Variants in AKT3 observed in about 807,000 individuals in gnomAD.
AKT3 encodes the protein AKT serine/threonine kinase 3.
In AKT3, 15 loss-of-function variants were observed where a neutral mutation model predicts 65.3. That is an observed-to-expected ratio of 0.23 (90% CI 0.15 to 0.35). The LOEUF is 0.35. Ranked by LOEUF, AKT3 falls within the 10% of genes least tolerant of loss-of-function variation. The probability of loss-of-function intolerance (pLI) is 1.00; values close to 1 mark genes in which losing one functional copy is unlikely to be tolerated. For synonymous variants in AKT3, 206 were observed against 183.8 expected, an observed-to-expected ratio of 1.12 and a Z score of -0.98; for missense variants, 243 against 576.5, an observed-to-expected ratio of 0.42 and a Z score of 5.92.
intron 2 of AKT3, among the ~76,000 whole-genome samples, chr1:243,795,461 T>TG: frequency 8.1e-6 from 1 of 123,042 alleles, no homozygotes; most frequent in Non-Finnish European, 1.7e-5. Flanking sequence ...TTTTTTTTTT[T>TG]GTTTTTTTTT....
chr1:243,775,064 T>C (rs1420764486), intron 2 of AKT3, among the ~76,000 whole-genome samples: 1 of 152,090 alleles, frequency 6.6e-6, no homozygotes, highest in Non-Finnish European at 1.5e-5. Context: ...GGTTTCGTCA[T>C]GTTCCCCAGT....
At chr1:243,768,359 A>T (rs975420293) in intron 2 of AKT3, among the ~76,000 whole-genome samples, 1 of 152,118 alleles carries the variant, frequency 6.6e-6, no homozygotes, top group African/African-American at 2.4e-5. Flanking sequence ...TTCCATTGCT[A>T]ACAGTTTTTT....
At chr1:243,835,197 C>A (rs1694816421) in intron 2 of AKT3, among the ~76,000 whole-genome samples, 1 of 152,154 alleles carries the variant, frequency 6.6e-6, no homozygotes, top group Admixed American at 6.5e-5. Context: ...CTGGCCTCTA[C>A]CCACTAGATG....
At chr1:243,586,302 T>C (rs1412807051) in intron 8 of AKT3, among the ~76,000 whole-genome samples, 2 of 152,104 alleles carry the variant, frequency 1.3e-5, no homozygotes, top group Non-Finnish European at 1.5e-5. Context: ...GGTGGGAATG[T>C]ACATTAATTC....
intron 1 of AKT3, among the ~76,000 whole-genome samples, chr1:243,848,944 C>A (rs920770378): frequency 2.0e-5 from 3 of 152,228 alleles, no homozygotes; most frequent in Non-Finnish European, 4.4e-5. Flanking sequence ...AGCATCCCAG[C>A]TTTGACTTGT....
At chr1:243,498,328 G>C (rs1027299443), downstream of AKT3, among the ~76,000 whole-genome samples, 4 of 152,346 alleles carry the variant, frequency 2.6e-5, no homozygotes, top group Admixed American at 2.0e-4. Flanking sequence ...CATAGTGCAT[G>C]GGGTGGACTC....
rs111986838 is a variant in AKT3 at position 243,790,974 on chromosome 1, T to A, written c.46+52151A>T. On this transcript the variant is annotated intron_variant, in intron 2 of 13. Coordinates refer to ENST00000673466, the MANE Select transcript of AKT3 (RefSeq NM_005465.7). ...TGATCATAGGTCACCATAACCGGTA[T>A]AATAATAACGAAAAAGTTGAAATAC... is the stretch of plus-strand genomic sequence containing the variant. Among the ~76,000 whole-genome samples the A allele has an allele frequency of 3.4e-3, 520 of 152,272 alleles. 6 individuals carry two copies. The highest frequency in any genetic ancestry group is 0.011 in the African/African-American group (469 of 41,558).
At chr1:243,745,796 A>AT (rs1204967604) in intron 2 of AKT3, among the ~76,000 whole-genome samples, 2 of 152,164 alleles carry the variant, frequency 1.3e-5, no homozygotes, top group Non-Finnish European at 1.5e-5. Flanking sequence ...TCTGCTGCTC[A>AT]TTTTATCACT....
chr1:243,522,630 C>G (rs1035917892), intron 12 of AKT3, among the ~76,000 whole-genome samples: 5 of 151,754 alleles, frequency 3.3e-5, no homozygotes, highest in Non-Finnish European at 7.4e-5. Flanking sequence ...AGAGAGAGAC[C>G]CTGGCTCAAA....
At chr1:243,508,114 TCTTACCAGTTAAA>T (rs1239934640) in intron 13 of AKT3, among the ~76,000 whole-genome samples, 2 of 152,242 alleles carry the variant, frequency 1.3e-5, no homozygotes, top group Non-Finnish European at 2.9e-5. Flanking sequence ...TGCAACGGTT[TCTTACCAGTTAAA>T]CTATTCAAAG....
intron 8 of AKT3, among the ~76,000 whole-genome samples, chr1:243,587,610 C>A (rs1675904827): frequency 6.6e-6 from 1 of 152,060 alleles, no homozygotes; most frequent in Admixed American, 6.6e-5. Context: ...GACTCCGTCT[C>A]AAAAATACAT....
At chr1:243,657,990 A>T (rs1681949360) in intron 4 of AKT3, among the ~76,000 whole-genome samples, 1 of 152,182 alleles carries the variant, frequency 6.6e-6, no homozygotes, top group South Asian at 2.1e-4. Flanking sequence ...AATGGATCAA[A>T]GAATAAATAT....
intron 9 of AKT3, among the ~76,000 whole-genome samples, chr1:243,569,031 C>T (rs1338575174): frequency 6.6e-6 from 1 of 152,180 alleles, no homozygotes; most frequent in Non-Finnish European, 1.5e-5. Context: ...TAGAAATAAA[C>T]AATTCCTGTT....
chr1:243,770,123 T>C (rs1402431300), intron 2 of AKT3, among the ~76,000 whole-genome samples: 1 of 152,210 alleles, frequency 6.6e-6, no homozygotes, highest in Non-Finnish European at 1.5e-5. Flanking sequence ...CATATATGTA[T>C]GGTTTAAATT....
intron 3 of AKT3, among the ~76,000 whole-genome samples, chr1:243,667,524 A>G (rs530391359): frequency 6.6e-6 from 1 of 152,288 alleles, no homozygotes; most frequent in African/African-American, 2.4e-5. Flanking sequence ...CTTTAAAAAC[A>G]TAACCAGCTT....
chr1:243,733,515 A>T (rs1412848128), intron 2 of AKT3, among the ~76,000 whole-genome samples: 1 of 152,238 alleles, frequency 6.6e-6, no homozygotes, highest in Non-Finnish European at 1.5e-5. Context: ...CAAAAACAAT[A>T]TTAAGTGAAA....
chr1:243,759,575 C>G (rs977630766), intron 2 of AKT3, among the ~76,000 whole-genome samples: 1 of 151,834 alleles, frequency 6.6e-6, no homozygotes, highest in African/African-American at 2.4e-5. Context: ...AATTCAAGGT[C>G]TTGTTCCAAC....
intron 2 of AKT3, among the ~76,000 whole-genome samples, chr1:243,735,960 AC>A (rs1252219942): frequency 6.6e-6 from 1 of 152,254 alleles, no homozygotes; most frequent in Non-Finnish European, 1.5e-5. Flanking sequence ...AATATTAAGT[AC>A]AGTGGTAAGT....
intron 8 of AKT3, among the ~76,000 whole-genome samples, chr1:243,604,299 A>G (rs1480115207): frequency 6.6e-6 from 1 of 152,096 alleles, no homozygotes; most frequent in Admixed American, 6.6e-5. Flanking sequence ...CAACCTCTAT[A>G]CTGCCAAGTA....
Sources: allele counts gnomAD v4.1 joint callset (sites outside exome capture counted in the v4.1 genomes callset), GRCh38; gene constraint gnomAD v4.1.1; transcripts MANE v1.5; gene names NCBI Gene and HGNC (gene_info 2026-07-23, HGNC 2026-07-21).